The following CACNA1C variants were observed in gnomAD, a reference collection of about 807,000 sequenced individuals.
CACNA1C encodes the protein voltage-dependent L-type calcium channel subunit alpha-1C.
A neutral mutation model predicts 229.0 loss-of-function variants in CACNA1C; 30 were observed. The ratio of observed to expected loss-of-function variants is 0.13; its 90% confidence interval spans 0.10 to 0.18. The LOEUF (loss-of-function observed/expected upper bound fraction) is 0.18. Ranked by LOEUF, CACNA1C falls within the 10% of genes least tolerant of loss-of-function variation. CACNA1C has a pLI of 1.00. For synonymous variants in CACNA1C, 1,114 were observed against 1,132.5 expected, an observed-to-expected ratio of 0.98 and a Z score of 0.33; for missense variants, 1,658 against 2,845.0, an observed-to-expected ratio of 0.58 and a Z score of 9.49.
intron 4 of CACNA1C, among the ~76,000 whole-genome samples, chr12:2,450,917 G>A (rs4765686): frequency 0.47 from 72,136 of 152,028 alleles, 17,652 homozygotes; most frequent in East Asian, 0.72. Context: ...TGCAGGAAAT[G>A]ACGCAGGAGG....
In CACNA1C at chr12:2,292,536, A is replaced by G. The variant is rs2093616813; in HGVS notation, c.478-156440A>G. ...CCCACGTTTGAAACCTCCAGGACTT[A>G]CCACCTGTATGTCCTTGGTCAAGTT... On this transcript the variant is annotated intron_variant, in intron 3 of 46. Coordinates refer to ENST00000399655, the MANE Select transcript of CACNA1C (RefSeq NM_000719.7). Among the ~76,000 whole-genome samples the G allele has an allele frequency of 1.3e-5, 2 of 152,170 alleles. 1 individual carries two copies. The highest frequency in any genetic ancestry group is 4.1e-4 in the South Asian group (2 of 4,834).
intron 1 of CACNA1C, among the ~76,000 whole-genome samples, chr12:1,994,212 G>A (rs544144520): frequency 1.3e-5 from 2 of 152,286 alleles, no homozygotes; most frequent in South Asian, 4.1e-4. Context: ...AACTTCCGGT[G>A]ACAAATGAAA....
intron 1 of CACNA1C, among the ~76,000 whole-genome samples, chr12:2,073,325 C>T (rs1199602963): frequency 1.3e-5 from 2 of 152,206 alleles, no homozygotes; most frequent in African/African-American, 4.8e-5. Context: ...TGTCACCTTA[C>T]CCTTCTGTGC....
intron 30 of CACNA1C, chr12:2,641,733 G>A (rs756928474): frequency 7.1e-6 from 5 of 702,554 alleles, no homozygotes; most frequent in Admixed American, 2.0e-5. Flanking sequence ...TGCTCAACCT[G>A]CAGGTGGAAT....
intron 1 of CACNA1C, among the ~76,000 whole-genome samples, chr12:1,979,886 C>T (rs539181412): frequency 6.6e-6 from 1 of 152,242 alleles, no homozygotes; most frequent in South Asian, 2.1e-4. Context: ...ATGCTCAATA[C>T]AGTCTGTTGT....
At chr12:2,460,116 A>G (rs528421606) in intron 5 of CACNA1C, among the ~76,000 whole-genome samples, 1 of 152,344 alleles carries the variant, frequency 6.6e-6, no homozygotes, top group African/African-American at 2.4e-5. Flanking sequence ...GTGCCATCCA[A>G]TTCTGGAGCC....
chr12:2,155,515 G>C (rs1015864328), intron 3 of CACNA1C, among the ~76,000 whole-genome samples: 1 of 152,166 alleles, frequency 6.6e-6, no homozygotes, highest in African/African-American at 2.4e-5. Flanking sequence ...TTGTGGAACT[G>C]ACTAGAATAG....
intron 4 of CACNA1C, among the ~76,000 whole-genome samples, chr12:2,453,825 G>A (rs1053009164): frequency 5.9e-5 from 9 of 152,198 alleles, no homozygotes; most frequent in Non-Finnish European, 1.0e-4. Flanking sequence ...CCAGCAGCAG[G>A]ACAAGAGTGG....
chr12:2,332,799 C>A (rs2051991), intron 3 of CACNA1C, among the ~76,000 whole-genome samples: 4,283 of 152,274 alleles, frequency 0.028, 134 homozygotes, highest in African/African-American at 0.07. Context: ...GCAGTAGAAT[C>A]TCAATTACAT....
At chr12:2,213,043 A>G (rs1425375597) in intron 3 of CACNA1C, among the ~76,000 whole-genome samples, 2 of 152,184 alleles carry the variant, frequency 1.3e-5, no homozygotes, top group African/African-American at 4.8e-5. Flanking sequence ...GCAACCAGGA[A>G]CTGCCCATGT....
At chr12:2,444,574 C>T (rs1375316645) in intron 3 of CACNA1C, among the ~76,000 whole-genome samples, 2 of 152,106 alleles carry the variant, frequency 1.3e-5, no homozygotes. Flanking sequence ...TGGGCCCCAC[C>T]TCTGTAGGTC....
chr12:2,116,311 C>T, intron 2 of CACNA1C, among the ~76,000 whole-genome samples: 1 of 151,910 alleles, frequency 6.6e-6, no homozygotes, highest in East Asian at 1.9e-4. Flanking sequence ...TGGGCGCTCG[C>T]TGTGGAGTTA....
Position 2,679,522 on chromosome 12 carries a change from A to G in CACNA1C, c.5170A>G (p.Thr1724Ala). The change falls in exon 42 of 47, where the codon ACT becomes GCT. Residue 1724 changes from threonine to alanine, a missense_variant. Physicochemically the swap from Thr to Ala is moderately conservative, Grantham distance 58. Transcript: ENST00000399655. The surrounding 1 kb of genome is among the most constrained non-coding windows in gnomAD (Gnocchi z 5.5). ...GAGCGCCTTCCCCCAGACCTTCACC[A>G]CTCAGCGCCCGCTGCACATCAACAA... ...GRSAFPQTFT[T>A]QRPLHINKAG... 6.2e-7 allele frequency: 1 copy of G among 1,612,186 alleles called. No homozygotes were observed. The highest frequency in any genetic ancestry group is 8.5e-7 in the Non-Finnish European group (1 of 1,179,064).
At chr12:2,409,062 T>A (rs1174204276) in intron 3 of CACNA1C, among the ~76,000 whole-genome samples, 1 of 152,256 alleles carries the variant, frequency 6.6e-6, no homozygotes. Flanking sequence ...TGTCTTCTTG[T>A]CCTGTTAGTG....
intron 29 of CACNA1C, among the ~76,000 whole-genome samples, chr12:2,617,417 C>T (rs991166931): frequency 5.3e-5 from 8 of 152,190 alleles, no homozygotes; most frequent in African/African-American, 4.8e-5. Flanking sequence ...GTCCTAGTGG[C>T]GAGCACCTGG....
chr12:2,344,903 A>C (rs1205531510), intron 3 of CACNA1C, among the ~76,000 whole-genome samples: 1 of 151,836 alleles, frequency 6.6e-6, no homozygotes, highest in Non-Finnish European at 1.5e-5. Flanking sequence ...TTTCTTTAAG[A>C]AATATTTACT....
rs2032144435 is a variant in CACNA1C at position 1,971,306 on chromosome 12, T to A, written c.139+105T>A. ...GTGACTTCCTCACTCTAAGAACTCA[T>A]CTCTCCATATTTAATCAGGATTTAC... On this transcript the variant is annotated intron_variant, in intron 1 of 46. Transcript: ENST00000682462. This position sits in a 1 kb window ranked among gnomAD's most constrained non-coding sequence, Gnocchi z 4.2. The A allele has an allele frequency of 1.7e-6, 1 of 593,596 alleles. No homozygotes were observed. Among genetic ancestry groups the A allele is most frequent in the African/African-American group, 1.9e-5 (1 of 51,836 alleles). The allele number at this position is 593,596 out of a possible 1,614,324, so 36.8% of individuals were successfully genotyped here.
rs369627975 is a variant in CACNA1C at position 2,148,881 on chromosome 12, G to A, written c.477+28451G>A. Among the ~76,000 whole-genome samples, 3 of 152,298 alleles carry A rather than the reference G, an allele frequency of 2.0e-5. No homozygotes were observed. In the South Asian group the frequency reaches 6.2e-4, roughly 32 times the overall value. On this transcript the variant is annotated intron_variant, in intron 3 of 46. Transcript: ENST00000399655. ...TCCTTGGCTCTATGCACTACCAGACGCAGTCCAGTGGGCAGCCTGGCGGGT... is the reference window on the plus strand; with the variant it reads ...TCCTTGGCTCTATGCACTACCAGACACAGTCCAGTGGGCAGCCTGGCGGGT...
At chr12:2,107,184 G>GGGGTGTCCT (rs2079335902) in intron 1 of CACNA1C, among the ~76,000 whole-genome samples, 1 of 150,312 alleles carries the variant, frequency 6.7e-6, no homozygotes, top group African/African-American at 2.5e-5. Context: ...TGCTCACCCT[G>GGGGTGTCCT]GAGAGGGTTT....
Sources: allele counts gnomAD v4.1 joint callset (sites outside exome capture counted in the v4.1 genomes callset), GRCh38; gene constraint gnomAD v4.1.1; non-coding constraint Gnocchi (gnomAD v3.1); transcripts MANE v1.5; gene names NCBI Gene and HGNC (gene_info 2026-07-23, HGNC 2026-07-21).